Variants in COL14A1 observed in about 807,000 individuals in gnomAD.
The protein encoded by COL14A1 is collagen type XIV alpha 1 chain.
In COL14A1, 136 loss-of-function variants were observed where a neutral mutation model predicts 230.3. The ratio of observed to expected loss-of-function variants is 0.59; its 90% CI spans 0.51 to 0.68. The LOEUF is 0.68. Ranked by LOEUF, COL14A1 falls within the 30% of genes least tolerant of loss-of-function variation. The pLI is 0.00. For missense variants in COL14A1, 1,976 were observed against 2,215.8 expected, an observed-to-expected ratio of 0.89 and a Z score of 2.17; for synonymous variants, 792 against 784.1, an observed-to-expected ratio of 1.01 and a Z score of -0.17.
At chr8:120,336,386 T>C (rs2130239479) in intron 42 of COL14A1, among the ~76,000 whole-genome samples, 1 of 152,188 alleles carries the variant, frequency 6.6e-6, no homozygotes, top group East Asian at 1.9e-4. Context: ...CAGAAAAACA[T>C]AAGGCAAACA....
At chr8:120,257,498 T>C (rs1819194689) in intron 23 of COL14A1, among the ~76,000 whole-genome samples, 1 of 152,174 alleles carries the variant, frequency 6.6e-6, no homozygotes, top group Non-Finnish European at 1.5e-5. Context: ...GTTTAACTCA[T>C]ACAAATTAGA....
At chr8:120,203,638 C>A in intron 8 of COL14A1, 71 bp from the exon 9 acceptor site, 2 of 1,480,088 alleles carry the variant, frequency 1.4e-6, no homozygotes, top group South Asian at 1.3e-5. Flanking sequence ...TGGGTCAGAT[C>A]AGGCCCACCG....
intron 42 of COL14A1, among the ~76,000 whole-genome samples, chr8:120,337,445 G>A (rs1160448889): frequency 2.7e-5 from 4 of 150,920 alleles, no homozygotes; most frequent in African/African-American, 9.7e-5. Flanking sequence ...AAAAAAAGAA[G>A]GTACGTTTAT....
In COL14A1 at chr8:120,323,635, T is replaced by TA. The variant is rs371863358; in HGVS notation, c.4659+7638_4659+7639insA. ...GGTCCGGTTTCAATCTTCTGCATAT[T>TA]GCTAGCCAGTTAACCCAGAACCATT... On this transcript the variant is annotated intron_variant, in intron 40 of 47. Coordinates refer to ENST00000297848, the MANE Select transcript of COL14A1 (RefSeq NM_021110.4). Among the ~76,000 whole-genome samples, 276 of 152,236 alleles carry TA rather than the reference T, an allele frequency of 1.8e-3. 1 individual carries two copies. The highest frequency in any genetic ancestry group is 6.4e-3 in the African/African-American group (268 of 41,562).
At position 120,147,913 on chromosome 8, in the gene COL14A1, C is replaced by T. The variant is rs1470003526; in HGVS notation, c.71C>T (p.Thr24Ile). The change falls in exon 2 of 48, where the codon ACC becomes ATC. Residue 24 changes from threonine to isoleucine, a missense_variant. Around this residue, in one of 3 missense-constraint regions of COL14A1, gnomAD observed 181 missense variants for 178.6 expected, o/e 1.01. Transcript: ENST00000297848. ...TTTTTGGCAATTGTTTATTTCTGCA[C>T]CATTGTCCAAGGTCAAGGTAATTGA... ...PPFLAIVYFC[T>I]IVQGQVAPPT... 1 of 1,613,260 alleles carries T rather than the reference C, an allele frequency of 6.2e-7. No homozygotes were observed. The highest frequency in any genetic ancestry group is 8.5e-7 in the Non-Finnish European group (1 of 1,179,510).
intron 45 of COL14A1, among the ~76,000 whole-genome samples, chr8:120,358,653 A>G (rs573339437): frequency 6.6e-6 from 1 of 151,596 alleles, no homozygotes; most frequent in South Asian, 2.1e-4. Context: ...GTTATACTAG[A>G]TAATAAAAGA....
intron 36 of COL14A1, among the ~76,000 whole-genome samples, chr8:120,307,078 G>T (rs892155945): frequency 3.3e-5 from 5 of 152,178 alleles, no homozygotes; most frequent in African/African-American, 1.2e-4. Flanking sequence ...GCTGCTAGAC[G>T]ACTTCATCAA....
chr8:120,197,880 T>C lies in COL14A1; in HGVS notation c.662T>C (p.Val221Ala), dbSNP rs1265685808. 1 of 1,613,698 alleles carries C rather than the reference T, an allele frequency of 6.2e-7. No homozygotes were observed. Among genetic ancestry groups the C allele is most frequent in the Non-Finnish European group, 8.5e-7 (1 of 1,179,688 alleles). ...AATGCATTTAGCACAAAAGATGAAG[T>C]GATTGAAGCTGTCCGAAACCTCCCA... ...HLNAFSTKDE[V>A]IEAVRNLPYK... is the part of the protein sequence containing the mutation. Residue 221 changes from valine to alanine, a missense_variant, in exon 7 of 48, where the codon GTG becomes GCG. By Grantham distance (64) the Val-to-Ala change is moderately conservative (BLOSUM62 0). Around this residue, in one of 3 missense-constraint regions of COL14A1, gnomAD observed 1,791 missense variants for 2,019.5 expected, o/e 0.89. Transcript: ENST00000297848.
At chr8:120,206,845 G>A in intron 9 of COL14A1, 98 bp from the exon 10 acceptor site, 1 of 1,181,724 alleles carries the variant, frequency 8.5e-7, no homozygotes, top group African/African-American at 1.6e-5. Flanking sequence ...CTTAGAGGCA[G>A]CATAAAATCA....
intron 2 of COL14A1, among the ~76,000 whole-genome samples, chr8:120,156,913 T>A (rs1206583171): frequency 1.3e-5 from 2 of 152,214 alleles, no homozygotes; most frequent in African/African-American, 4.8e-5. Flanking sequence ...GGAGAATGTT[T>A]GTTTCTTTTC....
Position 120,200,246 on chromosome 8 carries a change from C to T in COL14A1, c.877+680C>T, listed in dbSNP as rs114340027. On this transcript the variant is annotated intron_variant, in intron 8 of 47. Transcript: ENST00000297848. ...TGAAACACAAACCAAAATATAACAG[C>T]GAATTCCTTAATAGGGCTCTGAAGA... 8.5e-3 allele frequency among the ~76,000 whole-genome samples: 1,293 copies of T among 152,028 alleles called. 14 individuals carry two copies. Among genetic ancestry groups the T allele is most frequent in the African/African-American group, 0.029 (1,204 of 41,458 alleles).
rs185937342 is a variant in COL14A1, at chr8:120,153,107, C to G, written c.89-5023C>G. Among the ~76,000 whole-genome samples the G allele has an allele frequency of 7.2e-5, 11 of 152,122 alleles. 1 individual carries two copies. The highest frequency in any genetic ancestry group is 7.2e-4 in the Admixed American group (11 of 15,282). Reference sequence around the variant, plus strand: ...AGCATATCCTACAGTAAAAGTCTCTCAAAATTTAATTGCTCCGATTTATAA... The same window carrying G: ...AGCATATCCTACAGTAAAAGTCTCTGAAAATTTAATTGCTCCGATTTATAA... On this transcript the variant is annotated intron_variant, in intron 2 of 47. Coordinates refer to ENST00000297848, the MANE Select transcript of COL14A1 (RefSeq NM_021110.4).
rs1220951018 is a variant in COL14A1, at chr8:120,174,197, A to G, written c.436+5950A>G. 3.3e-5 allele frequency among the ~76,000 whole-genome samples: 5 copies of G among 152,190 alleles called. No homozygotes were observed. In the South Asian group the frequency reaches 8.3e-4, roughly 25 times the overall value. ...TATCCTTTGTATGTTTTCTTTTTGT[A>G]AAAATAGGTTTGTTAATATTTTTAA... On this transcript the variant is annotated intron_variant, in intron 5 of 47. Transcript: ENST00000297848.
rs149067753 is a variant in COL14A1, at chr8:120,211,795, A to G, written c.1468-653A>G. On this transcript the variant is annotated intron_variant, in intron 12 of 47. Coordinates refer to ENST00000297848, the MANE Select transcript of COL14A1 (RefSeq NM_021110.4). ...TTTTTTCCTTCCAAAACATAAAACT[A>G]TCTCGTCACTCTACTGTCACACAAC... Among the ~76,000 whole-genome samples the G allele has an allele frequency of 9.8e-5, 15 of 152,346 alleles. No homozygotes were observed. The East Asian group carries it at 2.7e-3, about 27-fold the overall frequency.
rs2129900426 is a variant in COL14A1 at position 120,280,703 on chromosome 8, T to G, written c.3647-8T>G. The G allele has an allele frequency of 6.2e-7, 1 of 1,613,006 alleles. No individual in the cohort carries two copies. The highest frequency in any genetic ancestry group is 8.5e-7 in the Non-Finnish European group (1 of 1,179,532). On this transcript the variant is annotated splice_region_variant and splice_polypyrimidine_tract_variant and intron_variant, in intron 29 of 47. Coordinates refer to ENST00000297848, the MANE Select transcript of COL14A1 (RefSeq NM_021110.4). ...TTAGAGTTTTATTTTGTTTGTTTGG[T>G]TTTCCAGCCTGTCCAGTGGTACACA...
intron 7 of COL14A1, among the ~76,000 whole-genome samples, chr8:120,198,999 CAAAG>C (rs1817138590): frequency 6.6e-6 from 1 of 152,090 alleles, no homozygotes; most frequent in South Asian, 2.1e-4. Context: ...TCCTAAAAAA[CAAAG>C]AGAGGGATTT....
intron 1 of COL14A1, among the ~76,000 whole-genome samples, chr8:120,135,509 C>G (rs578043956): frequency 6.6e-6 from 1 of 152,294 alleles, no homozygotes; most frequent in South Asian, 2.1e-4. Context: ...AGGTGATCTG[C>G]CTGTCTTGGC....
chr8:120,275,485 T>G (rs192743881), intron 26 of COL14A1, among the ~76,000 whole-genome samples: 150 of 151,738 alleles, frequency 9.9e-4, no homozygotes, highest in Non-Finnish European at 1.7e-3. Flanking sequence ...CAAAAATAAA[T>G]AAATGGTACC....
Position 120,216,431 on chromosome 8 carries a change from A to G in COL14A1, c.1678A>G (p.Arg560Gly), listed in dbSNP as rs1462605428. 6.2e-7 allele frequency: 1 copy of G among 1,613,858 alleles called. No homozygotes were observed. The highest frequency in any genetic ancestry group is 8.5e-7 in the Non-Finnish European group (1 of 1,179,914). ...SARLTWDPTSRQINGYRIVYN... is the reference protein window; with the variant it reads ...SARLTWDPTSGQINGYRIVYN... ...TCGATTAACCTGGGACCCAACTTCA[A>G]GACAGATCAATGGTTATCGAATTGT... The change falls in exon 14 of 48, where the codon AGA becomes GGA. Residue 560 changes from arginine (R) to glycine (G), a missense_variant. Transcript: ENST00000297848.
Sources: gnomAD v4.1 joint callset for allele counts (sites outside exome capture counted in the v4.1 genomes callset) on GRCh38, gnomAD v4.1.1 for gene constraint, gnomAD v4.1.1 regional missense constraint, MANE v1.5 for transcripts, NCBI Gene and HGNC (gene_info 2026-07-23, HGNC 2026-07-21) for gene names.